DPF1: variants seen among roughly 807,000 people sequenced by gnomAD.
The protein encoded by DPF1 is double PHD fingers 1, also known as zinc finger protein neuro-d4.
In DPF1, 14 loss-of-function variants were observed where a neutral mutation model predicts 58.7. The observed-to-expected ratio is 0.24, with a 90% confidence interval of 0.16 to 0.37. The LOEUF (loss-of-function observed/expected upper bound fraction) is 0.37, where lower values mean the gene tolerates loss of function less well. DPF1 is among the 10% of genes least tolerant of loss of function. The probability of loss-of-function intolerance (pLI) is 1.00; values close to 1 mark genes in which losing one functional copy is unlikely to be tolerated. For missense variants in DPF1, 345 were observed against 529.9 expected, an observed-to-expected ratio of 0.65 and a Z score of 3.43; for synonymous variants, 216 against 216.0, an observed-to-expected ratio of 1.00 and a Z score of 0.00.
chr19:38,221,808 G>A (rs868022220), intron 3 of DPF1, among the ~76,000 whole-genome samples: 6 of 152,050 alleles, frequency 3.9e-5, no homozygotes, highest in South Asian at 2.1e-4. Context: ...CAGGCCAGGC[G>A]CGGTGGCTCA....
At position 38,229,465 on chromosome 19, in the gene DPF1, G is replaced by T; in HGVS notation, c.-132+94C>A. On this transcript the variant is annotated intron_variant, in intron 1 of 11. Coordinates refer to the DPF1 transcript ENST00000412732. This position sits in a 1 kb window ranked among gnomAD's most constrained non-coding sequence, Gnocchi z 5.3. ...GGGCCCCCATTCAACTACGGTCCGCGCGCTGCGTCCCCCTCCTCAGCCCCA... is the reference window on the plus strand; with the variant it reads ...GGGCCCCCATTCAACTACGGTCCGCTCGCTGCGTCCCCCTCCTCAGCCCCA... 1 of 701,580 alleles carries T rather than the reference G, an allele frequency of 1.4e-6. No individual in the cohort carries two copies. Among genetic ancestry groups the T allele is most frequent in the Non-Finnish European group, 1.8e-6 (1 of 548,344 alleles). The allele number at this position is 701,580 out of a possible 1,614,324, so 43.5% of individuals were successfully genotyped here.
At chr19:38,229,167 T>G (rs545523872), upstream of DPF1, among the ~76,000 whole-genome samples, 4 of 151,874 alleles carry the variant, frequency 2.6e-5, no homozygotes, top group East Asian at 7.8e-4. This position sits in a 1 kb window ranked among gnomAD's most constrained non-coding sequence, Gnocchi z 5.3. Flanking sequence ...ATGGAAACCC[T>G]GGAGACCGAG....
chr19:38,227,540 C>G (rs1425443377), upstream of DPF1, among the ~76,000 whole-genome samples: 1 of 152,158 alleles, frequency 6.6e-6, no homozygotes, highest in African/African-American at 2.4e-5. Flanking sequence ...TGCCCCATCC[C>G]CCAATGCCCT....
At position 38,219,063 on chromosome 19, in the gene DPF1, G is replaced by T; in HGVS notation, c.299-5C>A. The T allele has an allele frequency of 6.2e-7, 1 of 1,613,778 alleles. No homozygotes were observed. Among genetic ancestry groups the T allele is most frequent in the Non-Finnish European group, 8.5e-7 (1 of 1,179,986 alleles). On this transcript the variant is annotated splice_region_variant and splice_polypyrimidine_tract_variant and intron_variant, in intron 3 of 11. Transcript: ENST00000355526. Reference sequence around the variant, plus strand: ...TCTTCAGGGGTGCTTCACAGTCTGGGGACAGGGCCATGGGGGGGTCAGATG... The same window carrying T: ...TCTTCAGGGGTGCTTCACAGTCTGGTGACAGGGCCATGGGGGGGTCAGATG...
At chr19:38,218,841 G>A in intron 4 of DPF1, 90 bp downstream of exon 4, 1 of 1,579,302 alleles carries the variant, frequency 6.3e-7, no homozygotes, top group South Asian at 1.2e-5. Context: ...AACCGGGGGG[G>A]TTTCAGAGCA....
In DPF1 at chr19:38,211,895, C is replaced by T; in HGVS notation, c.*168G>A. 1 of 722,652 alleles carries T rather than the reference C, an allele frequency of 1.4e-6. No homozygotes were observed. The highest frequency in any genetic ancestry group is 2.2e-6 in the Non-Finnish European group (1 of 445,936). The allele number at this position is 722,652 out of a possible 1,614,324, so 44.8% of individuals were successfully genotyped here. ...GAGGCCCTGGCCGGGCCCACCCACCCACAGGGCAGACATTCCACTTGCACA... is the reference window on the plus strand; with the variant it reads ...GAGGCCCTGGCCGGGCCCACCCACCTACAGGGCAGACATTCCACTTGCACA... On this transcript the variant is annotated 3_prime_UTR_variant, in exon 12 of 12. Coordinates refer to ENST00000355526, the MANE Select transcript of DPF1 (RefSeq NM_001135155.3). This position sits in a 1 kb window ranked among gnomAD's most constrained non-coding sequence, Gnocchi z 4.0.
At position 38,222,618 on chromosome 19, in the gene DPF1, G is replaced by A. The variant is rs527678237; in HGVS notation, c.120C>T (p.Phe40=). 2 of 1,611,996 alleles carry A rather than the reference G, an allele frequency of 1.2e-6. No homozygotes were observed. The highest frequency in any genetic ancestry group is 1.8e-4 in the Middle Eastern group (1 of 5,652). Residue 40 remains phenylalanine (F), a synonymous_variant, in exon 2 of 12, where the codon TTC becomes TTT. Coordinates refer to ENST00000355526, the MANE Select transcript of DPF1 (RefSeq NM_001135155.3). The surrounding 1 kb of genome is among the most constrained non-coding windows in gnomAD (Gnocchi z 4.9). The part of the protein sequence containing the change: ...LCAERSLRLP[F]LDSQTGVAQN... Reference sequence around the variant, plus strand: ...GGGCCACGCCGGTCTGCGAGTCGAGGAAGGGCAGTCGCAGGCTGCGCTCGG... The same window carrying A: ...GGGCCACGCCGGTCTGCGAGTCGAGAAAGGGCAGTCGCAGGCTGCGCTCGG...
In DPF1 at chr19:38,217,642, C is replaced by T. The variant is rs1311819144; in HGVS notation, c.596-51G>A. 36 of 1,527,420 alleles carry T rather than the reference C, an allele frequency of 2.4e-5. No individual in the cohort carries two copies. In the East Asian group the frequency reaches 7.3e-4, roughly 31 times the overall value. The allele number at this position is 1,527,420 out of a possible 1,614,324, so 94.6% of individuals were successfully genotyped here. A position where few individuals can be genotyped will look rare whatever the true frequency, so the allele number is the denominator to read the frequency against. On this transcript the variant is annotated intron_variant, in intron 6 of 11. Coordinates refer to ENST00000355526, the MANE Select transcript of DPF1 (RefSeq NM_001135155.3). ...CCTGTCAGCCCCTCCGGGCCCCTGC[C>T]GCCTCCACCCTGGCCTCCAGGATCA...
chr19:38,218,425 T>TAA, intron 5 of DPF1, 148 bp downstream of exon 5: 1 of 745,302 alleles, frequency 1.3e-6, no homozygotes, highest in South Asian at 1.7e-5. Context: ...AAAATGGGTA[T>TAA]AAAATCCCCC....
upstream of DPF1, among the ~76,000 whole-genome samples, chr19:38,227,497 T>A (rs1262334305): frequency 2.6e-5 from 4 of 151,988 alleles, no homozygotes; most frequent in Non-Finnish European, 5.9e-5. Context: ...ACACTTGAAC[T>A]CCCAGTCCTC....
Position 38,229,223 on chromosome 19 carries a change from C to T in DPF1, c.-132+336G>A, listed in dbSNP as rs1487521023. Among the ~76,000 whole-genome samples the T allele has an allele frequency of 6.6e-6, 1 of 152,086 alleles. No homozygotes were observed. The highest frequency in any genetic ancestry group is 2.4e-5 in the African/African-American group (1 of 41,446). ...GCTTTCAGCCCCGGCCGGGGCAGGC[C>T]CGGCACCTCCGGAGACCCTGAGGGA... is the stretch of plus-strand genomic sequence containing the variant. On this transcript the variant is annotated intron_variant, in intron 1 of 11. Coordinates refer to the DPF1 transcript ENST00000412732. This position sits in a 1 kb window ranked among gnomAD's most constrained non-coding sequence, Gnocchi z 5.3.
Position 38,229,627 on chromosome 19 carries a change from C to A in DPF1, c.-200G>T. 6.9e-6 allele frequency: 7 copies of A among 1,018,056 alleles called. No homozygotes were observed. The highest frequency in any genetic ancestry group is 8.2e-6 in the Non-Finnish European group (7 of 849,902). 63.1% of individuals were successfully genotyped at this position (1,018,056 alleles called of 1,614,324 possible). ...CTGGGCCGCCTCCGGCCCGGGGCGC[C>A]GCTGCCGCCGCGCGCGGGCCCAGCC... On this transcript the variant is annotated 5_prime_UTR_variant, in exon 1 of 12. Transcript: ENST00000412732. The surrounding 1 kb of genome is among the most constrained non-coding windows in gnomAD (Gnocchi z 5.3).
At chr19:38,216,503 G>A (rs1967031572) in intron 7 of DPF1, 100 bp from the exon 8 acceptor site, 2 of 1,391,970 alleles carry the variant, frequency 1.4e-6, no homozygotes, top group Admixed American at 2.9e-5. Flanking sequence ...TCCAGGCGTG[G>A]GGAGCTGGGA....
upstream of DPF1, among the ~76,000 whole-genome samples, chr19:38,224,497 A>T (rs571323620): frequency 1.1e-4 from 17 of 152,192 alleles, no homozygotes; most frequent in East Asian, 3.1e-3. This position sits in a 1 kb window ranked among gnomAD's most constrained non-coding sequence, Gnocchi z 4.5. Context: ...ATTCACGCGG[A>T]TACTCACAGC....
Position 38,229,467 on chromosome 19 carries a change from G to C in DPF1, c.-132+92C>G. 1.4e-6 allele frequency: 1 copy of C among 722,162 alleles called. No homozygotes were observed. Among genetic ancestry groups the C allele is most frequent in the Non-Finnish European group, 1.8e-6 (1 of 565,308 alleles). 44.7% of individuals were successfully genotyped at this position (722,162 alleles called of 1,614,324 possible). The stretch of plus-strand genomic sequence containing the variant: ...GCCCCCATTCAACTACGGTCCGCGC[G>C]CTGCGTCCCCCTCCTCAGCCCCAGG... On this transcript the variant is annotated intron_variant, in intron 1 of 11. Coordinates refer to the DPF1 transcript ENST00000412732. This position sits in a 1 kb window ranked among gnomAD's most constrained non-coding sequence, Gnocchi z 5.3.
In DPF1 at chr19:38,216,133, G is replaced by C. The variant is rs759829925; in HGVS notation, c.898+7C>G. The C allele has an allele frequency of 8.1e-6, 13 of 1,610,804 alleles. No homozygotes were observed. The highest frequency in any genetic ancestry group is 1.1e-5 in the Non-Finnish European group (13 of 1,178,252). On this transcript the variant is annotated splice_region_variant and intron_variant, in intron 9 of 11. Transcript: ENST00000355526. Reference sequence around the variant, plus strand: ...GGCCCCCAGAAACCTCAGGTGGGGAGCATCACCTGATCGCCCACAGTCCGC... The same window carrying C: ...GGCCCCCAGAAACCTCAGGTGGGGACCATCACCTGATCGCCCACAGTCCGC...
At chr19:38,217,937 C>T in intron 5 of DPF1, 61 bp from the exon 6 acceptor site, 1 of 1,559,856 alleles carries the variant, frequency 6.4e-7, no homozygotes, top group Non-Finnish European at 8.8e-7. Flanking sequence ...GGCGTGGTGG[C>T]TCACACCTGT....
In DPF1 at chr19:38,217,848, C is replaced by A. The variant is rs1208007963; in HGVS notation, c.545G>T (p.Arg182Leu). ...KAYGIGGLRK[R>L]QDTASLEDRD... ...GTCCTCCAGGGAAGCGGTGTCCTGGCGTTTCCGGAGACCCCCGATGCCATA... is the reference window on the plus strand; with the variant it reads ...GTCCTCCAGGGAAGCGGTGTCCTGGAGTTTCCGGAGACCCCCGATGCCATA... Residue 182 changes from arginine (R) to leucine (L), a missense_variant, in exon 6 of 12, where the codon CGC (arginine) becomes CTC (leucine). Physicochemically the swap from Arg to Leu is moderately radical, Grantham distance 102 (BLOSUM62 -2). Transcript: ENST00000355526. 1 of 1,613,938 alleles carries A rather than the reference C, an allele frequency of 6.2e-7. No homozygotes were observed. The highest frequency in any genetic ancestry group is 2.2e-5 in the East Asian group (1 of 44,880).
In DPF1 at chr19:38,211,796, G is replaced by T. The variant is rs1320083601; in HGVS notation, c.*267C>A. 1 of 512,418 alleles carries T rather than the reference G, an allele frequency of 2.0e-6. No individual in the cohort carries two copies. Among genetic ancestry groups the T allele is most frequent in the Non-Finnish European group, 3.4e-6 (1 of 290,260 alleles). The allele number at this position is 512,418 out of a possible 1,614,324, so 31.7% of individuals were successfully genotyped here. ...CCACCACCCCCCATGCCCGCCCAGA[G>T]GCGGGGTATGGCTTTGAGGGGAGAA... On this transcript the variant is annotated 3_prime_UTR_variant, in exon 12 of 12. Coordinates refer to ENST00000355526, the MANE Select transcript of DPF1 (RefSeq NM_001135155.3). The surrounding 1 kb of genome is among the most constrained non-coding windows in gnomAD (Gnocchi z 4.0).
Sources: allele counts gnomAD v4.1 joint callset (sites outside exome capture counted in the v4.1 genomes callset), GRCh38; gene constraint gnomAD v4.1.1; non-coding constraint Gnocchi (gnomAD v3.1); transcripts MANE v1.5; gene names NCBI Gene and HGNC (gene_info 2026-07-23, HGNC 2026-07-21).